SPATA6: variants seen among roughly 807,000 people sequenced by gnomAD.
SPATA6 encodes spermatogenesis associated 6, also known as spermatogenesis-associated protein 6.
A neutral mutation model predicts 65.3 loss-of-function variants in SPATA6; 56 were observed. The observed-to-expected ratio is 0.86, with a 90% CI of 0.69 to 1.07. The LOEUF is 1.07. Among genes scored for constraint, SPATA6 ranks in the 50% least tolerant of loss-of-function variants. The probability of loss-of-function intolerance (pLI) is 0.00; values close to 1 mark genes in which losing one functional copy is unlikely to be tolerated. For synonymous variants in SPATA6, 199 were observed against 213.2 expected (o/e 0.93, Z 0.58); for missense variants, 590 against 594.8 (o/e 0.99, Z 0.08).
intron 11 of SPATA6, among the ~76,000 whole-genome samples, chr1:48,351,447 G>A (rs1291616676): frequency 6.6e-6 from 1 of 151,986 alleles, no homozygotes; most frequent in African/African-American, 2.4e-5. Context: ...GTTAGCTATA[G>A]GTTTTCAACA....
intron 11 of SPATA6, among the ~76,000 whole-genome samples, chr1:48,339,899 T>A (rs1416163441): frequency 6.6e-6 from 1 of 151,964 alleles, no homozygotes; most frequent in African/African-American, 2.4e-5. Context: ...AATTTACAGA[T>A]TCAAGATGCT....
chr1:48,368,221 C>T (rs903840047), intron 9 of SPATA6, among the ~76,000 whole-genome samples: 1 of 152,106 alleles, frequency 6.6e-6, no homozygotes, highest in Admixed American at 6.6e-5. Flanking sequence ...CTCTGGGTGC[C>T]CTTAACATTT....
intron 11 of SPATA6, among the ~76,000 whole-genome samples, chr1:48,324,118 C>CTAT (rs952161427): frequency 3.2e-4 from 49 of 151,662 alleles, no homozygotes; most frequent in South Asian, 1.5e-3. Flanking sequence ...CCTATCTACT[C>CTAT]TATTATTATT....
intron 3 of SPATA6, among the ~76,000 whole-genome samples, chr1:48,428,809 G>GTGTGTGTGTGTGTGTGTA (rs144421737): frequency 4.4e-5 from 6 of 137,662 alleles, no homozygotes; most frequent in Admixed American, 3.0e-4. Flanking sequence ...GTGTGTGTGT[G>GTGTGTGTGTGTGTGTGTA]TATATGTATA....
At chr1:48,370,321 C>T (rs1012649269) in intron 9 of SPATA6, among the ~76,000 whole-genome samples, 6 of 152,126 alleles carry the variant, frequency 3.9e-5, no homozygotes, top group African/African-American at 2.4e-5. Flanking sequence ...GACCATAGGA[C>T]AGAAGCACAG....
At chr1:48,400,942 C>T (rs1651104945) in intron 6 of SPATA6, 1 of 561,460 alleles carries the variant, frequency 1.8e-6, no homozygotes, top group African/African-American at 2.1e-5. Flanking sequence ...AATGTCAGCA[C>T]TAGAAATGAT....
At chr1:48,263,274 C>T in the SPATA6 span, 1 of 151,986 alleles carries the variant, frequency 6.6e-6, no homozygotes, top group African/African-American at 2.4e-5. Flanking sequence ...ATCTTAATGC[C>T]AGGAAATATT....
intron 11 of SPATA6, among the ~76,000 whole-genome samples, chr1:48,323,616 G>GAAAA (rs34150171): frequency 9.5e-6 from 1 of 105,284 alleles, no homozygotes; most frequent in Non-Finnish European, 2.1e-5. Context: ...CACAACAACA[G>GAAAA]AAAAAAAAAA....
chr1:48,399,164 C>T (rs1042046527), intron 7 of SPATA6, 187 bp downstream of exon 7: 6 of 633,132 alleles, frequency 9.5e-6, no homozygotes, highest in African/African-American at 1.8e-5. Context: ...TCTGTCAGGT[C>T]TGAAGACTGA....
intron 9 of SPATA6, among the ~76,000 whole-genome samples, chr1:48,381,353 T>C (rs1291506498): frequency 6.6e-6 from 1 of 152,114 alleles, no homozygotes; most frequent in East Asian, 1.9e-4. Context: ...TTGGTAAAAA[T>C]AGAAAATTCC....
chr1:48,281,520 A>G, the SPATA6 span, among the ~76,000 whole-genome samples: 3 of 152,218 alleles, frequency 2.0e-5, no homozygotes, highest in East Asian at 1.9e-4. Flanking sequence ...AAGAATCACA[A>G]GTATTCTTAT....
At chr1:48,392,826 C>A (rs142340813) in intron 8 of SPATA6, among the ~76,000 whole-genome samples, 2 of 151,948 alleles carry the variant, frequency 1.3e-5, no homozygotes, top group African/African-American at 4.8e-5. Context: ...TGTAAGAGAT[C>A]CTACCATAAG....
chr1:48,446,107 T>C (rs1375029982), intron 3 of SPATA6, among the ~76,000 whole-genome samples: 1 of 152,074 alleles, frequency 6.6e-6, no homozygotes, highest in Non-Finnish European at 1.5e-5. Flanking sequence ...TTTAAAATAA[T>C]ATAGGAATAG....
intron 3 of SPATA6, among the ~76,000 whole-genome samples, chr1:48,417,567 G>A (rs1422650920): frequency 6.6e-6 from 1 of 152,132 alleles, no homozygotes; most frequent in East Asian, 1.9e-4. Context: ...TGTAATCCCA[G>A]CACTTTGGGA....
the SPATA6 span, among the ~76,000 whole-genome samples, chr1:48,282,381 A>G: frequency 6.6e-6 from 1 of 152,232 alleles, no homozygotes. Context: ...AGAAACTACC[A>G]TCAGAGTAAA....
chr1:48,468,022 A>G (rs1024842553), intron 1 of SPATA6, among the ~76,000 whole-genome samples: 1 of 152,230 alleles, frequency 6.6e-6, no homozygotes, highest in African/African-American at 2.4e-5. Context: ...TCAAATAATT[A>G]AAAAATAGAA....
intron 10 of SPATA6, among the ~76,000 whole-genome samples, chr1:48,358,631 CA>C (rs1646722832): frequency 6.6e-6 from 1 of 152,086 alleles, no homozygotes; most frequent in African/African-American, 2.4e-5. Context: ...TCAACTTCAG[CA>C]GAAAAACCGC....
intron 11 of SPATA6, among the ~76,000 whole-genome samples, chr1:48,315,815 T>A (rs1645396927): frequency 2.0e-5 from 3 of 152,188 alleles, no homozygotes; most frequent in Non-Finnish European, 4.4e-5. Context: ...CAAAATCTCC[T>A]TAAGCTGATA....
At chr1:48,346,391 G>A (rs1205546726) in intron 11 of SPATA6, among the ~76,000 whole-genome samples, 1 of 152,042 alleles carries the variant, frequency 6.6e-6, no homozygotes, top group African/African-American at 2.4e-5. Context: ...GGAAAAGCTA[G>A]AAGCATTCCC....
Sources: allele counts gnomAD v4.1 joint callset (sites outside exome capture counted in the v4.1 genomes callset), GRCh38; gene constraint gnomAD v4.1.1; transcripts MANE v1.5; gene names NCBI Gene and HGNC (gene_info 2026-07-23, HGNC 2026-07-21).